The following HTR6 variants were observed in gnomAD, a reference collection of about 807,000 sequenced individuals.
The protein encoded by HTR6 is 5-hydroxytryptamine receptor 6.
In HTR6, 15 loss-of-function variants were observed where a neutral mutation model predicts 17.4. That is an observed-to-expected ratio of 0.86 (90% CI 0.58 to 1.33). The LOEUF is 1.33. Among genes scored for constraint, HTR6 ranks in the 40% most tolerant of loss-of-function variants. The pLI is 0.00. For synonymous variants in HTR6, 326 were observed against 295.5 expected (o/e 1.10, Z -1.06); for missense variants, 578 against 616.0 (o/e 0.94, Z 0.65).
In HTR6 at chr1:19,664,953, C is replaced by G. The variant is rs1000380701; in HGVS notation, c.-801C>G. 4.0e-5 allele frequency among the ~76,000 whole-genome samples: 6 copies of G among 150,028 alleles called. No individual in the cohort carries two copies. The highest frequency in any genetic ancestry group is 1.5e-4 in the African/African-American group (6 of 41,224). ...GGGAGACCCGGTCCCGCCGCCCGCC[C>G]GGCCCGCGGCCGCCTCTTCCTCTCG... On this transcript the variant is annotated 5_prime_UTR_variant, in exon 1 of 3. Transcript: ENST00000289753. The surrounding 1 kb of genome is among the most constrained non-coding windows in gnomAD (Gnocchi z 4.7).
intron 1 of HTR6, among the ~76,000 whole-genome samples, chr1:19,678,065 A>G (rs575051448): frequency 1.3e-5 from 2 of 152,158 alleles, no homozygotes; most frequent in African/African-American, 4.8e-5. Flanking sequence ...CTGTAGCGCT[A>G]AAGGCTTTGG....
chr1:19,668,462 C>T (rs911259780), intron 1 of HTR6, among the ~76,000 whole-genome samples: 5 of 152,176 alleles, frequency 3.3e-5, no homozygotes, highest in Non-Finnish European at 5.9e-5. Context: ...GCTAGGGTTA[C>T]AGGCTTCCCT....
rs917104818 is a variant in HTR6 at position 19,670,688 on chromosome 1, C to G, written c.714+4221C>G. Among the ~76,000 whole-genome samples, 3 of 152,150 alleles carry G rather than the reference C, an allele frequency of 2.0e-5. No individual in the cohort carries two copies. In the South Asian group the frequency reaches 6.2e-4, roughly 32 times the overall value. On this transcript the variant is annotated intron_variant, in intron 1 of 2. Transcript: ENST00000289753. Reference sequence around the variant, plus strand: ...TGTGTTGCCCAGGCTGGTCTTGAAACCCTGAGCTCAGGCAATCCACCCGCC... The same window carrying G: ...TGTGTTGCCCAGGCTGGTCTTGAAAGCCTGAGCTCAGGCAATCCACCCGCC...
At chr1:19,672,767 C>A (rs762601077) in intron 1 of HTR6, among the ~76,000 whole-genome samples, 1 of 152,202 alleles carries the variant, frequency 6.6e-6, no homozygotes, top group Non-Finnish European at 1.5e-5. Flanking sequence ...CAGTGACTCA[C>A]AACTGTAATC....
Position 19,666,394 on chromosome 1 carries a change from C to T in HTR6, c.641C>T (p.Ala214Val), listed in dbSNP as rs1421174196. The change falls in exon 1 of 3, where the codon GCT (alanine) becomes GTT (valine). Residue 214 changes from alanine to valine, a missense_variant. Ala to Val is a moderately conservative substitution (Grantham distance 64). Transcript: ENST00000289753. The surrounding 1 kb of genome is among the most constrained non-coding windows in gnomAD (Gnocchi z 4.5). ...ICFTYCRILLAARKQAVQVAS... is the reference protein window; with the variant it reads ...ICFTYCRILLVARKQAVQVAS... Reference sequence around the variant, plus strand: ...TTCACCTACTGCAGGATCCTGCTAGCTGCCCGCAAGCAGGCCGTGCAGGTG... The same window carrying T: ...TTCACCTACTGCAGGATCCTGCTAGTTGCCCGCAAGCAGGCCGTGCAGGTG... 3.7e-6 allele frequency: 6 copies of T among 1,613,654 alleles called. No individual in the cohort carries two copies. The highest frequency in any genetic ancestry group is 5.1e-6 in the Non-Finnish European group (6 of 1,179,992).
At position 19,674,139 on chromosome 1, in the gene HTR6, ATTACAGGTGT is replaced by A. The variant is rs1570585129; in HGVS notation, c.715-4427_715-4418del. On this transcript the variant is annotated intron_variant, in intron 1 of 2. Coordinates refer to ENST00000289753, the MANE Select transcript of HTR6 (RefSeq NM_000871.3). ...TGCCTCGGCCTCCCAAAGTGCTGGGATTACAGGTGTGAGCCACTGCACCTAGCCCTTCCGG... is the reference window on the plus strand; with the variant it reads ...TGCCTCGGCCTCCCAAAGTGCTGGGAGAGCCACTGCACCTAGCCCTTCCGG... Among the ~76,000 whole-genome samples, 6 of 152,190 alleles carry A rather than the reference ATTACAGGTGT, an allele frequency of 3.9e-5. No individual in the cohort carries two copies. In the East Asian group the frequency reaches 1.2e-3, roughly 30 times the overall value.
Position 19,666,504 on chromosome 1 carries a change from TAG to T in HTR6, c.714+42_714+43del, listed in dbSNP as rs1370881888. 1.0e-5 allele frequency: 15 copies of T among 1,496,426 alleles called. No individual in the cohort carries two copies. Among genetic ancestry groups the T allele is most frequent in the Non-Finnish European group, 1.3e-5 (14 of 1,105,056 alleles). 92.7% of individuals were successfully genotyped at this position (1,496,426 alleles called of 1,614,324 possible). ...GCGCAGGGAGACCCGGGCTGTGGGA[TAG>T]AGAGGAATGAGCAGCCCCTGGGGAC... On this transcript the variant is annotated intron_variant, in intron 1 of 2. Coordinates refer to ENST00000289753, the MANE Select transcript of HTR6 (RefSeq NM_000871.3). This position sits in a 1 kb window ranked among gnomAD's most constrained non-coding sequence, Gnocchi z 4.5.
Position 19,678,742 on chromosome 1 carries a change from G to A in HTR6, c.873+17G>A. On this transcript the variant is annotated intron_variant, in intron 2 of 2. Transcript: ENST00000289753. ...ATAGTCCAGGTAATGCCACGGCAGG[G>A]GGCAGGTGAGTCCGGCCCTTGCAGG... 6.2e-7 allele frequency: 1 copy of A among 1,600,822 alleles called. No homozygotes were observed. The highest frequency in any genetic ancestry group is 8.5e-7 in the Non-Finnish European group (1 of 1,170,086).
At position 19,666,831 on chromosome 1, in the gene HTR6, G is replaced by A. The variant is rs148810949; in HGVS notation, c.714+364G>A. 1.5e-3 allele frequency among the ~76,000 whole-genome samples: 223 copies of A among 152,054 alleles called. 2 individuals are homozygous for A. The highest frequency in any genetic ancestry group is 5.1e-3 in the African/African-American group (210 of 41,492). On this transcript the variant is annotated intron_variant, in intron 1 of 2. Coordinates refer to ENST00000289753, the MANE Select transcript of HTR6 (RefSeq NM_000871.3). This position sits in a 1 kb window ranked among gnomAD's most constrained non-coding sequence, Gnocchi z 4.5. ...CCTCACCCTCATGCCATTCATTAGC[G>A]AGACCTGTTGGCGCTGCTCTAAACA...
intron 1 of HTR6, among the ~76,000 whole-genome samples, chr1:19,677,693 C>G (rs945717900): frequency 6.6e-6 from 1 of 152,168 alleles, no homozygotes; most frequent in South Asian, 2.1e-4. Context: ...AAGCTCTGGA[C>G]AGTAACAGGT....
chr1:19,678,726 G>A lies in HTR6; in HGVS notation c.873+1G>A, dbSNP rs140928691. 2.5e-6 allele frequency: 4 copies of A among 1,606,136 alleles called. No individual in the cohort carries two copies. The highest frequency in any genetic ancestry group is 2.6e-6 in the Non-Finnish European group (3 of 1,173,766). On this transcript the variant is annotated splice_donor_variant, in intron 2 of 2. Coordinates refer to ENST00000289753, the MANE Select transcript of HTR6 (RefSeq NM_000871.3). LOFTEE classifies it high-confidence loss of function. Reference sequence around the variant, plus strand: ...CTTCTTTGTGGCCAACATAGTCCAGGTAATGCCACGGCAGGGGGCAGGTGA... The same window carrying A: ...CTTCTTTGTGGCCAACATAGTCCAGATAATGCCACGGCAGGGGGCAGGTGA...
chr1:19,679,055 G>A lies in HTR6; in HGVS notation c.1010G>A (p.Cys337Tyr). 1 of 1,614,084 alleles carries A rather than the reference G, an allele frequency of 6.2e-7. No individual in the cohort carries two copies. The highest frequency in any genetic ancestry group is 8.5e-7 in the Non-Finnish European group (1 of 1,179,964). Reference sequence around the variant, plus strand: ...CGGGCGCTGGGCAGGTTCCTGCCATGTCCACGCTGTCCCCGGGAGCGCCAG... The same window carrying A: ...CGGGCGCTGGGCAGGTTCCTGCCATATCCACGCTGTCCCCGGGAGCGCCAG... Reference protein sequence around the residue: ...FKRALGRFLPCPRCPRERQAS... With the variant: ...FKRALGRFLPYPRCPRERQAS... The change falls in exon 3 of 3, where the codon TGT becomes TAT. Residue 337 changes from cysteine to tyrosine, a missense_variant. Physicochemically the swap from Cys to Tyr is radical, Grantham distance 194. Transcript: ENST00000289753. This position sits in a 1 kb window ranked among gnomAD's most constrained non-coding sequence, Gnocchi z 4.9.
Position 19,680,848 on chromosome 1 carries a change from C to A in HTR6, c.*1480C>A, listed in dbSNP as rs1420606592. ...GCCTGGCCTGGCCCTCTCCTTGGTG[C>A]TGATGAGACACAACTCTGGCCCCGG... is the stretch of plus-strand genomic sequence containing the variant. On this transcript the variant is annotated 3_prime_UTR_variant, in exon 3 of 3. Coordinates refer to ENST00000289753, the MANE Select transcript of HTR6 (RefSeq NM_000871.3). 6.6e-6 allele frequency among the ~76,000 whole-genome samples: 1 copy of A among 152,220 alleles called. No individual in the cohort carries two copies. The highest frequency in any genetic ancestry group is 1.5e-5 in the Non-Finnish European group (1 of 68,028).
chr1:19,679,094 C>T lies in HTR6; in HGVS notation c.1049C>T (p.Ser350Leu), dbSNP rs201409930. 4.7e-5 allele frequency: 76 copies of T among 1,613,618 alleles called. No individual in the cohort carries two copies. The Middle Eastern group carries it at 1.6e-3, about 35-fold the overall frequency. ...CGGGAGCGCCAGGCCAGCCTGGCCT[C>T]GCCATCACTGCGCACCTCTCACAGC... ...CPRERQASLA[S>L]PSLRTSHSGP... The change falls in exon 3 of 3, where the codon TCG becomes TTG. Residue 350 changes from serine to leucine, a missense_variant. Transcript: ENST00000289753. The surrounding 1 kb of genome is among the most constrained non-coding windows in gnomAD (Gnocchi z 4.9).
intron 1 of HTR6, among the ~76,000 whole-genome samples, chr1:19,676,278 C>A (rs1426072289): frequency 6.6e-6 from 1 of 152,190 alleles, no homozygotes; most frequent in Non-Finnish European, 1.5e-5. Context: ...GATGTGGAAA[C>A]AGAGGCTCTC....
chr1:19,672,472 G>T (rs1439363668), intron 1 of HTR6, among the ~76,000 whole-genome samples: 2 of 152,130 alleles, frequency 1.3e-5, no homozygotes, highest in African/African-American at 4.8e-5. Context: ...CCGAGCCAGG[G>T]AGAGGCTGGC....
At chr1:19,673,857 G>A (rs1369394444) in intron 1 of HTR6, among the ~76,000 whole-genome samples, 2 of 128,798 alleles carry the variant, frequency 1.6e-5, no homozygotes, top group South Asian at 5.4e-4. Flanking sequence ...TGTCCTTCTA[G>A]GTCTTTTTTT....
chr1:19,669,023 T>C (rs1028850635), intron 1 of HTR6, among the ~76,000 whole-genome samples: 5 of 152,228 alleles, frequency 3.3e-5, no homozygotes, highest in Admixed American at 3.3e-4. Context: ...GGAAGACAGC[T>C]GTAATGGGCT....
At position 19,680,862 on chromosome 1, in the gene HTR6, C is replaced by T. The variant is rs936834908; in HGVS notation, c.*1494C>T. 6.6e-6 allele frequency among the ~76,000 whole-genome samples: 1 copy of T among 152,200 alleles called. No homozygotes were observed. The highest frequency in any genetic ancestry group is 1.5e-5 in the Non-Finnish European group (1 of 68,034). The stretch of plus-strand genomic sequence containing the variant: ...TCTCCTTGGTGCTGATGAGACACAA[C>T]TCTGGCCCCGGCGGCTGGCCTCTGA... On this transcript the variant is annotated 3_prime_UTR_variant, in exon 3 of 3. Coordinates refer to ENST00000289753, the MANE Select transcript of HTR6 (RefSeq NM_000871.3).
Sources: gnomAD v4.1 joint callset for allele counts (sites outside exome capture counted in the v4.1 genomes callset) on GRCh38, gnomAD v4.1.1 for gene constraint, Gnocchi (gnomAD v3.1) non-coding constraint, MANE v1.5 for transcripts, NCBI Gene and HGNC (gene_info 2026-07-23, HGNC 2026-07-21) for gene names.